Variants in LCP1 observed in about 807,000 individuals in gnomAD.
LCP1 encodes the protein lymphocyte cytosolic protein 1.
A neutral mutation model predicts 72.0 loss-of-function variants in LCP1; 23 were observed. That is an observed-to-expected ratio of 0.32 (90% CI 0.23 to 0.45). The LOEUF is 0.45. LCP1 is among the 20% of genes least tolerant of loss of function. The pLI is 1.00. For synonymous variants in LCP1, 245 were observed against 275.4 expected (o/e 0.89, Z 1.09); for missense variants, 571 against 748.3 (o/e 0.76, Z 2.76).
chr13:46,132,302 G>T (rs990545339), intron 14 of LCP1, among the ~76,000 whole-genome samples: 1 of 152,096 alleles, frequency 6.6e-6, no homozygotes, highest in African/African-American at 2.4e-5. Flanking sequence ...CTATTTTACG[G>T]AGAGAAGCAC....
intron 1 of LCP1, among the ~76,000 whole-genome samples, chr13:46,175,553 G>T (rs937736217): frequency 6.6e-6 from 1 of 152,080 alleles, no homozygotes; most frequent in Non-Finnish European, 1.5e-5. Flanking sequence ...GAAGAACTGC[G>T]TGCAGTGAAC....
In LCP1 at chr13:46,164,521, A is replaced by G. The variant is rs1050717237; in HGVS notation, c.-24-4835T>C. Among the ~76,000 whole-genome samples, 27 of 152,256 alleles carry G rather than the reference A, an allele frequency of 1.8e-4. 1 individual carries two copies. On this transcript the variant is annotated intron_variant, in intron 1 of 15. Coordinates refer to ENST00000323076, the MANE Select transcript of LCP1 (RefSeq NM_002298.5). ...GGAGAGGATAAACTCAGAGAAGTCA[A>G]ACAGCAAGAACACCTTTAAATTTAA...
chr13:46,155,370 G>C (rs560703691), intron 5 of LCP1, among the ~76,000 whole-genome samples: 3 of 152,258 alleles, frequency 2.0e-5, no homozygotes, highest in African/African-American at 7.2e-5. Context: ...AGTGCCCTAG[G>C]CTGAGTACCA....
chr13:46,142,596 T>A, intron 12 of LCP1, 171 bp from the exon 13 acceptor site: 1 of 701,300 alleles, frequency 1.4e-6, no homozygotes, highest in Non-Finnish European at 2.3e-6. Context: ...GAATTTTCCA[T>A]CTGTCCTTAG....
chr13:46,144,015 G>A (rs983429984), intron 11 of LCP1, among the ~76,000 whole-genome samples: 1 of 151,814 alleles, frequency 6.6e-6, no homozygotes, highest in Non-Finnish European at 1.5e-5. Flanking sequence ...GCAGTGAGCC[G>A]AGATTGCGCC....
intron 1 of LCP1, among the ~76,000 whole-genome samples, chr13:46,180,494 A>G (rs553459702): frequency 1.3e-5 from 2 of 152,356 alleles, no homozygotes; most frequent in East Asian, 1.9e-4. Flanking sequence ...AAAGAGACAA[A>G]AATTTAAATG....
intron 1 of LCP1, among the ~76,000 whole-genome samples, chr13:46,171,774 T>C (rs1022860048): frequency 1.3e-5 from 2 of 152,242 alleles, no homozygotes; most frequent in Admixed American, 6.5e-5. Context: ...GCACAGAGAA[T>C]GAAGTGCAGT....
At chr13:46,149,628 G>A (rs759579071) in intron 8 of LCP1, among the ~76,000 whole-genome samples, 4 of 152,172 alleles carry the variant, frequency 2.6e-5, no homozygotes, top group Non-Finnish European at 5.9e-5. Context: ...ATGACAGCAC[G>A]GAGTCAGTTG....
chr13:46,158,946 G>A lies in LCP1; in HGVS notation c.108C>T (p.Asp36=), dbSNP rs751973861. ...NGYISFNELN[D]LFKAACLPLP... is the part of the protein sequence containing the mutation. ...AAGGCAAGCAAGCAGCCTTGAACAAGTCATTCAACTCATTGAAGCTGATGT... is the reference window on the plus strand; with the variant it reads ...AAGGCAAGCAAGCAGCCTTGAACAAATCATTCAACTCATTGAAGCTGATGT... The change falls in exon 3 of 16, where the codon GAC becomes GAT. Residue 36 remains aspartate (D), a synonymous_variant. Coordinates refer to ENST00000323076, the MANE Select transcript of LCP1 (RefSeq NM_002298.5). 2 of 1,613,968 alleles carry A rather than the reference G, an allele frequency of 1.2e-6. No homozygotes were observed. Among genetic ancestry groups the A allele is most frequent in the East Asian group, 4.5e-5 (2 of 44,886 alleles).
Position 46,161,945 on chromosome 13 carries a change from G to T in LCP1, c.-24-2259C>A, listed in dbSNP as rs141490061. Among the ~76,000 whole-genome samples, 802 of 152,258 alleles carry T rather than the reference G, an allele frequency of 5.3e-3. 8 individuals carry two copies. Among genetic ancestry groups the T allele is most frequent in the African/African-American group, 0.018 (759 of 41,542 alleles). The stretch of plus-strand genomic sequence containing the variant: ...GTCTGACAGCAAAATCTTCACACAG[G>T]CTTTAAGAAGAGGCCATTTGTGGGA... On this transcript the variant is annotated intron_variant, in intron 1 of 15. Coordinates refer to ENST00000323076, the MANE Select transcript of LCP1 (RefSeq NM_002298.5).
intron 13 of LCP1, among the ~76,000 whole-genome samples, chr13:46,135,063 A>C (rs1234368541): frequency 2.1e-5 from 3 of 140,416 alleles, no homozygotes; most frequent in African/African-American, 5.2e-5. Flanking sequence ...GAGCTGAGAT[A>C]GTGCCACTGC....
chr13:46,133,743 G>A (rs1281913186), intron 14 of LCP1, among the ~76,000 whole-genome samples: 1 of 151,836 alleles, frequency 6.6e-6, no homozygotes, highest in Non-Finnish European at 1.5e-5. Context: ...AATGGGGAGG[G>A]AGGGAGGAGG....
chr13:46,146,784 A>G lies in LCP1; in HGVS notation c.1174+124T>C, dbSNP rs1593950261. On this transcript the variant is annotated intron_variant, in intron 10 of 15. Transcript: ENST00000323076. ...CTATTTATTCTCTTTGTTGCATACCAGAGAATTAATGGCCTGTTTGCACAT... is the reference window on the plus strand; with the variant it reads ...CTATTTATTCTCTTTGTTGCATACCGGAGAATTAATGGCCTGTTTGCACAT... 7.5e-6 allele frequency: 7 copies of G among 939,572 alleles called. No homozygotes were observed. In the East Asian group the frequency reaches 1.7e-4, roughly 23 times the overall value. 58.2% of individuals were successfully genotyped at this position (939,572 alleles called of 1,614,324 possible). A position where few individuals can be genotyped will look rare whatever the true frequency, so the allele number is the denominator to read the frequency against.
rs535317781 is a variant in LCP1 at position 46,144,881 on chromosome 13, T to A, written c.1175-361A>T. 2.8e-4 allele frequency among the ~76,000 whole-genome samples: 43 copies of A among 152,268 alleles called. 1 individual carries two copies. Among genetic ancestry groups the A allele is most frequent in the African/African-American group, 9.6e-4 (40 of 41,544 alleles). ...GAGGTAGATATATTTGTTATTTGAA[T>A]TGAGACAGGGAAAAGAACAGTATGG... On this transcript the variant is annotated intron_variant, in intron 10 of 15. Transcript: ENST00000323076.
At position 46,178,588 on chromosome 13, in the gene LCP1, G is replaced by A. The variant is rs1320480875; in HGVS notation, c.-25+3523C>T. Reference sequence around the variant, plus strand: ...GAGTGCGCTTCCATCTGGCAAAATAGGAACACTTGAAACTCTTCAAATCTG... The same window carrying A: ...GAGTGCGCTTCCATCTGGCAAAATAAGAACACTTGAAACTCTTCAAATCTG... On this transcript the variant is annotated intron_variant, in intron 1 of 15. Coordinates refer to ENST00000323076, the MANE Select transcript of LCP1 (RefSeq NM_002298.5). 2.6e-5 allele frequency among the ~76,000 whole-genome samples: 4 copies of A among 152,204 alleles called. No homozygotes were observed. The East Asian group carries it at 5.8e-4, about 22-fold the overall frequency.
At chr13:46,175,803 G>A (rs899278484) in intron 1 of LCP1, among the ~76,000 whole-genome samples, 1 of 152,178 alleles carries the variant, frequency 6.6e-6, no homozygotes, top group African/African-American at 2.4e-5. Context: ...TAGAAACAGT[G>A]GGGGAAGTTC....
rs1374989331 is a variant in LCP1 at position 46,159,583 on chromosome 13, T to C, written c.64+16A>G. ...AAGAAGAGAATGATGCAATTTGGGG[T>C]ACCAGGTCTACTCACCAACTTTGGC... On this transcript the variant is annotated intron_variant, in intron 2 of 15. Transcript: ENST00000323076. The C allele has an allele frequency of 1.2e-6, 2 of 1,608,962 alleles. No individual in the cohort carries two copies. Among genetic ancestry groups the C allele is most frequent in the African/African-American group, 1.3e-5 (1 of 74,966 alleles).
At chr13:46,138,383 T>G (rs1254344896) in intron 13 of LCP1, among the ~76,000 whole-genome samples, 2 of 152,334 alleles carry the variant, frequency 1.3e-5, no homozygotes, top group East Asian at 3.9e-4. Flanking sequence ...ATTTATATAA[T>G]TATCAGTCAT....
rs55645933 is a variant in LCP1 at position 46,126,443 on chromosome 13, T to C, written c.*1148A>G. On this transcript the variant is annotated 3_prime_UTR_variant, in exon 16 of 16. Coordinates refer to ENST00000323076, the MANE Select transcript of LCP1 (RefSeq NM_002298.5). ...TTTCTTATCCAGCATAGATTCATTC[T>C]GCCCTTGACAGCTGGCTAGGTGTGT... 9.9e-3 allele frequency: 2,309 copies of C among 232,670 alleles called. 54 individuals are homozygous for C. Among genetic ancestry groups the C allele is most frequent in the African/African-American group, 0.044 (2,021 of 45,420 alleles). 14.4% of individuals were successfully genotyped at this position (232,670 alleles called of 1,614,324 possible).
Sources: allele counts gnomAD v4.1 joint callset (sites outside exome capture counted in the v4.1 genomes callset), GRCh38; gene constraint gnomAD v4.1.1; transcripts MANE v1.5; gene names NCBI Gene and HGNC (gene_info 2026-07-23, HGNC 2026-07-21).